CTSA: variants seen among roughly 807,000 people sequenced by gnomAD.
The protein encoded by CTSA is cathepsin A, also known as lysosomal protective protein.
A neutral mutation model predicts 66.7 loss-of-function variants in CTSA; 42 were observed. The ratio of observed to expected loss-of-function variants is 0.63; its 90% CI spans 0.49 to 0.81. The LOEUF is 0.81. Ranked by LOEUF, CTSA falls within the 40% of genes least tolerant of loss-of-function variation. The pLI is 0.00. For missense variants in CTSA, 525 were observed against 610.9 expected (o/e 0.86, Z 1.48); for synonymous variants, 225 against 248.6 (o/e 0.91, Z 0.89).
At position 45,891,598 on chromosome 20, in the gene CTSA, CCTGCTGCTG is replaced by C. The variant is rs72555383; in HGVS notation, c.48_56del (p.Leu17_Leu19del). On this transcript the variant is annotated inframe_deletion, in exon 2 of 15. Transcript: ENST00000646241. This position sits in a 1 kb window ranked among gnomAD's most constrained non-coding sequence, Gnocchi z 4.6. ...TCCGAGCCGCGCCGCCGCCGCTGTT[CCTGCTGCTG>C]CTGCTGCTGCTGCTGCTAGTGTCCT... 129 of 1,581,824 alleles carry C rather than the reference CCTGCTGCTG, an allele frequency of 8.2e-5. No individual in the cohort carries two copies. Among genetic ancestry groups the C allele is most frequent in the South Asian group, 2.7e-4 (24 of 89,510 alleles).
At chr20:45,893,886 C>T (rs1020896449) in intron 7 of CTSA, 102 bp from the exon 8 acceptor site, 1 of 785,902 alleles carries the variant, frequency 1.3e-6, no homozygotes, top group Non-Finnish European at 2.3e-6. Flanking sequence ...TCCCAGTCTC[C>T]TAGGGTCAGG....
intron 7 of CTSA, 33 bp from the exon 8 acceptor site, chr20:45,893,955 A>T (rs4810476): frequency 7.2e-7 from 1 of 1,395,348 alleles, no homozygotes; most frequent in Non-Finnish European, 1.0e-6. Context: ...TCCCACCAGC[A>T]GCTGATGCGC....
intron 6 of CTSA, 87 bp from the exon 7 acceptor site, chr20:45,893,133 C>T (rs1568763073): frequency 1.3e-5 from 16 of 1,245,338 alleles, no homozygotes; most frequent in South Asian, 2.4e-5. Context: ...TTTCAGCTTC[C>T]GGATTGCTGA....
At position 45,897,037 on chromosome 20, in the gene CTSA, A is replaced by G; in HGVS notation, c.1161A>G (p.Ser387=). 1 of 1,611,762 alleles carries G rather than the reference A, an allele frequency of 6.2e-7. No homozygotes were observed. The highest frequency in any genetic ancestry group is 8.5e-7 in the Non-Finnish European group (1 of 1,178,030). ...CCCAGTATCTGAAGCTGCTTAGCTC[A>G]CAGGTGAGTGGGGAGAGCACAGCTG... ...MNSQYLKLLS[S]QKYQILLYNG... The change falls in exon 12 of 15, where the codon TCA becomes TCG. Residue 387 remains serine, a synonymous_variant. Coordinates refer to ENST00000646241, the MANE Select transcript of CTSA (RefSeq NM_000308.4).
chr20:45,898,406 G>T lies in CTSA; in HGVS notation c.1399G>T (p.Ala467Ser). Reference sequence around the variant, plus strand: ...GGTTCCCACCGACAAGCCCCTCGCTGCCTTCACCATGTTCTCCCGCTTCCT... The same window carrying T: ...GGTTCCCACCGACAAGCCCCTCGCTTCCTTCACCATGTTCTCCCGCTTCCT... ...HMVPTDKPLA[A>S]FTMFSRFLNK... Residue 467 changes from alanine (A) to serine (S), a missense_variant, in exon 15 of 15, where the codon GCC (alanine) becomes TCC (serine). By Grantham distance (99) the Ala-to-Ser change is moderately conservative. Coordinates refer to ENST00000646241, the MANE Select transcript of CTSA (RefSeq NM_000308.4). This position sits in a 1 kb window ranked among gnomAD's most constrained non-coding sequence, Gnocchi z 4.6. 6.2e-7 allele frequency: 1 copy of T among 1,614,030 alleles called. No homozygotes were observed. The highest frequency in any genetic ancestry group is 1.1e-5 in the South Asian group (1 of 91,074).
At chr20:45,892,218 T>C in intron 3 of CTSA, 55 bp from the exon 4 acceptor site, 1 of 1,591,424 alleles carries the variant, frequency 6.3e-7, no homozygotes, top group South Asian at 1.1e-5. Context: ...TGGTGGCCCT[T>C]TCCCTCCACC....
rs778159802 is a variant in CTSA, at chr20:45,893,218, A to G, written c.601-2A>G. 34 of 1,613,572 alleles carry G rather than the reference A, an allele frequency of 2.1e-5. No homozygotes were observed. Among genetic ancestry groups the G allele is most frequent in the Middle Eastern group, 1.6e-4 (1 of 6,084 alleles). On this transcript the variant is annotated splice_acceptor_variant, in intron 6 of 14. Transcript: ENST00000646241. LOFTEE classifies it high-confidence loss of function. ...GAGCTGAGCACCCTGGGTGTTTCAC[A>G]GGGGCTGGCTGTGGGCAATGGACTC... is the stretch of plus-strand genomic sequence containing the variant.
rs554712851 is a variant in CTSA at position 45,891,820 on chromosome 20, G to T, written c.194+58G>T. 1 of 1,612,334 alleles carries T rather than the reference G, an allele frequency of 6.2e-7. No individual in the cohort carries two copies. Reference sequence around the variant, plus strand: ...AGAAGAGATGACGGATGAGGGATGGGGGGTAGTTCTGCAGACCCCTGAGGA... The same window carrying T: ...AGAAGAGATGACGGATGAGGGATGGTGGGTAGTTCTGCAGACCCCTGAGGA... On this transcript the variant is annotated intron_variant, in intron 2 of 14. Transcript: ENST00000646241. This position sits in a 1 kb window ranked among gnomAD's most constrained non-coding sequence, Gnocchi z 4.6.
intron 13 of CTSA, 71 bp downstream of exon 13, chr20:45,897,877 G>GGCCAGAGCCAGGCA: frequency 6.7e-7 from 1 of 1,495,720 alleles, no homozygotes; most frequent in Non-Finnish European, 9.3e-7. Flanking sequence ...GCCTGGGAGT[G>GGCCAGAGCCAGGCA]GCCAGCTGGC....
At chr20:45,893,885 C>T in intron 7 of CTSA, 103 bp from the exon 8 acceptor site, 1 of 785,160 alleles carries the variant, frequency 1.3e-6, no homozygotes, top group African/African-American at 1.7e-5. Flanking sequence ...TTCCCAGTCT[C>T]CTAGGGTCAG....
chr20:45,895,926 G>A (rs1042189612), intron 11 of CTSA, among the ~76,000 whole-genome samples: 12 of 152,144 alleles, frequency 7.9e-5, no homozygotes, highest in Non-Finnish European at 1.5e-4. Flanking sequence ...TGGGCGCAGT[G>A]GTTCACGCCT....
chr20:45,896,288 C>T lies in CTSA; in HGVS notation c.1089-677C>T, dbSNP rs575286184. ...AGTAAAAGGGTAACACTGGGCCCAG[C>T]AGGGCTGCTCAGGTCCATTTTGATT... On this transcript the variant is annotated intron_variant, in intron 11 of 14. Coordinates refer to ENST00000646241, the MANE Select transcript of CTSA (RefSeq NM_000308.4). 3.3e-5 allele frequency: 5 copies of T among 153,240 alleles called. No homozygotes were observed. In the South Asian group the frequency reaches 1.0e-3, roughly 31 times the overall value. The allele number at this position is 153,240 out of a possible 1,614,324, so 9.5% of individuals were successfully genotyped here. A position where few individuals can be genotyped will look rare whatever the true frequency, so the allele number is the denominator to read the frequency against.
intron 7 of CTSA, 174 bp downstream of exon 7, chr20:45,893,485 T>TA: frequency 1.1e-5 from 6 of 526,732 alleles, no homozygotes; most frequent in Admixed American, 3.8e-5. Flanking sequence ...TTTCTTTCTT[T>TA]CTTTTTTTTT....
chr20:45,898,269 G>A lies in CTSA; in HGVS notation c.1360-98G>A. On this transcript the variant is annotated intron_variant, in intron 14 of 14. Transcript: ENST00000646241. This position sits in a 1 kb window ranked among gnomAD's most constrained non-coding sequence, Gnocchi z 4.6. ...AGAGGGGTGGGGAGGGTTCTGGGAA[G>A]AATAAAGGGTTTGGGATGAAGGAAT... 1 of 1,347,064 alleles carries A rather than the reference G, an allele frequency of 7.4e-7. No homozygotes were observed. Among genetic ancestry groups the A allele is most frequent in the Admixed American group, 1.9e-5 (1 of 51,346 alleles). 83.4% of individuals were successfully genotyped at this position (1,347,064 alleles called of 1,614,324 possible). A position where few individuals can be genotyped will look rare whatever the true frequency, so the allele number is the denominator to read the frequency against.
At chr20:45,894,493 C>T (rs1601143106) in intron 8 of CTSA, among the ~76,000 whole-genome samples, 157 bp from the exon 9 acceptor site, 3 of 152,292 alleles carry the variant, frequency 2.0e-5, no homozygotes, top group South Asian at 4.1e-4. Context: ...GGACCCAGGT[C>T]TGGGAAGATT....
intron 5 of CTSA, 70 bp from the exon 6 acceptor site, chr20:45,892,655 T>C (rs1276647634): frequency 6.3e-7 from 1 of 1,599,076 alleles, no homozygotes; most frequent in Non-Finnish European, 8.6e-7. Context: ...AATGTCATTA[T>C]CTCTGAAGTT....
chr20:45,897,702 C>T lies in CTSA; in HGVS notation c.1165-15C>T, dbSNP rs778048027. On this transcript the variant is annotated splice_polypyrimidine_tract_variant and intron_variant, in intron 12 of 14. Transcript: ENST00000646241. ...CTTGTTCCACACCCCTCATTTTTAC[C>T]CCATCCTGCTTTAGAAATACCAGAT... is the stretch of plus-strand genomic sequence containing the variant. 4 of 1,536,582 alleles carry T rather than the reference C, an allele frequency of 2.6e-6. No individual in the cohort carries two copies. The highest frequency in any genetic ancestry group is 2.2e-5 in the East Asian group (1 of 44,466).
chr20:45,892,864 C>G lies in CTSA; in HGVS notation c.584C>G (p.Pro195Arg). ...CTGGCCGTGCTGGTCATGCAGGATC[C>G]CAGCATGAACCTTCAGGTGCAGGGT... Reference protein sequence around the residue: ...PTLAVLVMQDPSMNLQGLAVG... With the variant: ...PTLAVLVMQDRSMNLQGLAVG... Residue 195 changes from proline (P) to arginine (R), a missense_variant, in exon 6 of 15, where the codon CCC (proline) becomes CGC (arginine). Physicochemically the swap from Pro to Arg is moderately radical, Grantham distance 103 (BLOSUM62 -2). Transcript: ENST00000646241. 6.2e-7 allele frequency: 1 copy of G among 1,614,056 alleles called. No individual in the cohort carries two copies. The highest frequency in any genetic ancestry group is 2.2e-5 in the East Asian group (1 of 44,876).
At position 45,892,335 on chromosome 20, in the gene CTSA, G is replaced by A. The variant is rs951321615; in HGVS notation, c.357+12G>A. 6.2e-7 allele frequency: 1 copy of A among 1,614,032 alleles called. No individual in the cohort carries two copies. Among genetic ancestry groups the A allele is most frequent in the Non-Finnish European group, 8.5e-7 (1 of 1,180,006 alleles). On this transcript the variant is annotated intron_variant, in intron 4 of 14. Transcript: ENST00000646241. ...ATTCTTGGAATCTGGTATAGCTGGAGCTGTGGGTGTGTCTGGGCACTTGGA... is the reference window on the plus strand; with the variant it reads ...ATTCTTGGAATCTGGTATAGCTGGAACTGTGGGTGTGTCTGGGCACTTGGA...
Sources: gnomAD v4.1 joint callset for allele counts (sites outside exome capture counted in the v4.1 genomes callset) on GRCh38, gnomAD v4.1.1 for gene constraint, Gnocchi (gnomAD v3.1) non-coding constraint, MANE v1.5 for transcripts, NCBI Gene and HGNC (gene_info 2026-07-23, HGNC 2026-07-21) for gene names.